Variants in RSRP1 observed in about 807,000 individuals in gnomAD.
RSRP1 encodes arginine and serine rich protein 1.
A neutral mutation model predicts 33.0 loss-of-function variants in RSRP1; 37 were observed. The ratio of observed to expected loss-of-function variants is 1.12; its 90% CI spans 0.86 to 1.48. The LOEUF (loss-of-function observed/expected upper bound fraction) is 1.48. Ranked by LOEUF, RSRP1 falls within the 40% of genes most tolerant of loss-of-function variation. The pLI is 0.00. For missense variants in RSRP1, 402 were observed against 385.3 expected (o/e 1.04, Z -0.36); for synonymous variants, 167 against 158.7 (o/e 1.05, Z -0.40).
At chr1:25,313,314 A>G (rs1644266352) in intron 1 of RSRP1, among the ~76,000 whole-genome samples, 2 of 132,420 alleles carry the variant, frequency 1.5e-5, no homozygotes, top group Admixed American at 1.5e-4. Context: ...CTCCAGAACC[A>G]TGAGCTATAT....
chr1:25,329,657 T>C (rs1471335995), intron 1 of RSRP1: 2 of 131,176 alleles, frequency 1.5e-5, no homozygotes, highest in African/African-American at 5.2e-5. Flanking sequence ...TTCAGATTTT[T>C]ATACTTTTTT....
At chr1:25,322,106 A>G in intron 1 of RSRP1, 4 of 498,378 alleles carry the variant, frequency 8.0e-6, no homozygotes, top group Non-Finnish European at 1.3e-5. Context: ...CTAGAGGAGA[A>G]ACAAATCCAT....
chr1:25,280,376 G>T (rs1298139053), intron 1 of RSRP1, among the ~76,000 whole-genome samples: 1 of 124,782 alleles, frequency 8.0e-6, no homozygotes, highest in Non-Finnish European at 1.9e-5. Context: ...TGCGATCTCG[G>T]CTCACTGCAA....
intron 1 of RSRP1, among the ~76,000 whole-genome samples, chr1:25,252,834 C>G (rs1011246404): frequency 1.3e-5 from 2 of 152,148 alleles, no homozygotes; most frequent in Admixed American, 1.3e-4. Context: ...CGCACCTGGC[C>G]TGACCTTTTT....
chr1:25,244,934 T>C, intron 3 of RSRP1: 2 of 1,398,040 alleles, frequency 1.4e-6, no homozygotes, highest in Non-Finnish European at 1.9e-6. Flanking sequence ...TCTGCCTCAT[T>C]ACAGGCATGA....
intron 1 of RSRP1, among the ~76,000 whole-genome samples, chr1:25,334,483 G>A (rs1462985687): frequency 7.6e-6 from 1 of 131,614 alleles, no homozygotes; most frequent in Non-Finnish European, 1.8e-5. Flanking sequence ...AGCTGTCGGT[G>A]GATCTACCAT....
rs1386164007 is a variant in RSRP1 at position 25,311,149 on chromosome 1, A to C, written c.-67+26829T>G. ...ATGGCTGGTAAAGGCCATTCTGATG[A>C]GGTCTCAGATAGAACTGAAGAACCA... On this transcript the variant is annotated intron_variant, in intron 1 of 1. Coordinates refer to the RSRP1 transcript ENST00000561867. Among the ~76,000 whole-genome samples the C allele has an allele frequency of 1.5e-5, 2 of 132,076 alleles. 1 individual carries two copies. The highest frequency in any genetic ancestry group is 3.6e-5 in the Non-Finnish European group (2 of 55,722). 86.6% of individuals were successfully genotyped at this position (132,076 alleles called of 152,430 possible). A position where few individuals can be genotyped will look rare whatever the true frequency, so the allele number is the denominator to read the frequency against.
rs190050924 is a variant in RSRP1, at chr1:25,334,679, T to C, written c.-67+3299A>G. Among the ~76,000 whole-genome samples the C allele has an allele frequency of 3.9e-4, 52 of 133,080 alleles. 16 individuals carry two copies. Among genetic ancestry groups the C allele is most frequent in the Non-Finnish European group, 7.9e-4 (44 of 55,972 alleles). 87.3% of individuals were successfully genotyped at this position (133,080 alleles called of 152,430 possible). ...GCATTTCCGCACATCCTCTTTAATC[T>C]AGGCGAAGGTTTCCAAACCCCAGTT... On this transcript the variant is annotated intron_variant, in intron 1 of 1. Coordinates refer to the RSRP1 transcript ENST00000561867.
At chr1:25,316,536 TG>T (rs1238410798) in intron 1 of RSRP1, among the ~76,000 whole-genome samples, 1 of 101,726 alleles carries the variant, frequency 9.8e-6, no homozygotes, top group African/African-American at 3.2e-5. Context: ...CGCTTGAACC[TG>T]GGGGACAGAG....
chr1:25,315,204 TC>T lies in RSRP1; in HGVS notation c.-67+22773del, dbSNP rs950111621. ...CATGCATATGTCCCCCTGATTTTTT[TC>T]CTAAAAATCACTTATTATTAGATCA... is the stretch of plus-strand genomic sequence containing the variant. On this transcript the variant is annotated intron_variant, in intron 1 of 1. Coordinates refer to the RSRP1 transcript ENST00000561867. Among the ~76,000 whole-genome samples, 6 of 130,154 alleles carry T rather than the reference TC, an allele frequency of 4.6e-5. 2 individuals are homozygous for T. Among genetic ancestry groups the T allele is most frequent in the Non-Finnish European group, 1.1e-4 (6 of 55,366 alleles). The allele number at this position is 130,154 out of a possible 152,430, so 85.4% of individuals were successfully genotyped here.
At chr1:25,290,520 C>T in intron 1 of RSRP1, 1 of 917,976 alleles carries the variant, frequency 1.1e-6, no homozygotes, top group South Asian at 1.4e-5. Flanking sequence ...CTTCTATTCC[C>T]ACAGAAAGTA....
chr1:25,275,169 A>G (rs2124587277), intron 1 of RSRP1, among the ~76,000 whole-genome samples: 1 of 132,188 alleles, frequency 7.6e-6, no homozygotes, highest in East Asian at 2.0e-4. Flanking sequence ...ACGTGCCTGT[A>G]GTCCCAGCTG....
Position 25,282,212 on chromosome 1 carries a change from A to T in RSRP1, c.-66-35183T>A, listed in dbSNP as rs1266440400. Among the ~76,000 whole-genome samples the T allele has an allele frequency of 2.3e-5, 3 of 132,744 alleles. 1 individual carries two copies. The highest frequency in any genetic ancestry group is 7.7e-5 in the African/African-American group (3 of 38,940). 87.1% of individuals were successfully genotyped at this position (132,744 alleles called of 152,430 possible). A position where few individuals can be genotyped will look rare whatever the true frequency, so the allele number is the denominator to read the frequency against. On this transcript the variant is annotated intron_variant, in intron 1 of 1. Coordinates refer to the RSRP1 transcript ENST00000561867. ...AAGACCACAGGGCTATGAAGTGGAA[A>T]CACATAAATTGATATTTCATTTTAT...
At chr1:25,259,660 G>A (rs369199024) in intron 1 of RSRP1, among the ~76,000 whole-genome samples, 188 of 151,686 alleles carry the variant, frequency 1.2e-3, no homozygotes, top group East Asian at 6.6e-3. Flanking sequence ...ACACTACCAC[G>A]CCCAGCTAAT....
intron 1 of RSRP1, among the ~76,000 whole-genome samples, chr1:25,282,169 G>A (rs556918111): frequency 3.8e-5 from 5 of 132,592 alleles, no homozygotes; most frequent in African/African-American, 1.0e-4. Flanking sequence ...CAGCTGATAA[G>A]GAAAGTAAGC....
At chr1:25,272,449 G>C (rs1334409888) in intron 1 of RSRP1, 6 of 1,361,178 alleles carry the variant, frequency 4.4e-6, no homozygotes, top group Non-Finnish European at 6.1e-6. Flanking sequence ...GGCCTTTGGC[G>C]GGTGTCTCCC....
chr1:25,336,580 C>A (rs596608), intron 1 of RSRP1: 1 of 147,130 alleles, frequency 6.8e-6, no homozygotes, highest in African/African-American at 2.7e-5. Flanking sequence ...ATTTGACAAT[C>A]ATGTTAAGGC....
Position 25,267,898 on chromosome 1 carries a change from G to T in RSRP1, c.-66-20869C>A, listed in dbSNP as rs1281427048. On this transcript the variant is annotated intron_variant, in intron 1 of 1. Transcript: ENST00000561867. ...GCGGCGGAAAGCCCCTGAACCCAGC[G>T]CCCGGGCATGCGCAGACGCGTTGTT... The T allele has an allele frequency of 3.0e-5, 4 of 132,280 alleles. 1 individual carries two copies. The highest frequency in any genetic ancestry group is 2.2e-4 in the Admixed American group (3 of 13,748). The allele number at this position is 132,280 out of a possible 1,614,324, so 8.2% of individuals were successfully genotyped here.
chr1:25,269,228 G>C (rs1640420186), intron 1 of RSRP1, among the ~76,000 whole-genome samples: 1 of 132,658 alleles, frequency 7.5e-6, no homozygotes, highest in South Asian at 2.3e-4. Flanking sequence ...CTAACACAAA[G>C]CCTATTTTAT....
Sources: gnomAD v4.1 joint callset for allele counts (sites outside exome capture counted in the v4.1 genomes callset) on GRCh38, gnomAD v4.1.1 for gene constraint, MANE v1.5 for transcripts, NCBI Gene and HGNC (gene_info 2026-07-23, HGNC 2026-07-21) for gene names.